The following GASK1A variants were observed in gnomAD, a reference collection of about 807,000 sequenced individuals.
GASK1A encodes Golgi-associated kinase 1A.
Under a neutral mutation model 41.2 loss-of-function variants are expected in GASK1A, and 40 were observed. The ratio of observed to expected loss-of-function variants is 0.97; its 90% CI spans 0.75 to 1.27. The LOEUF (loss-of-function observed/expected upper bound fraction) is 1.27, where lower values mean the gene tolerates loss of function less well. Among genes scored for constraint, GASK1A ranks in the 50% most tolerant of loss-of-function variants. The pLI, the probability that GASK1A is intolerant of heterozygous loss-of-function variation, is 0.00. For synonymous variants in GASK1A, 316 were observed against 307.1 expected (o/e 1.03, Z -0.30); for missense variants, 678 against 745.1 (o/e 0.91, Z 1.05).
rs56195274 is a variant in GASK1A, at chr3:42,985,546, CGTGTGTGTGT to C, written c.3+5933_3+5942del. On this transcript the variant is annotated intron_variant, in intron 1 of 4. Transcript: ENST00000430121. ...AGTTTATTGAGGCTGCCTGTGCATACGTGTGTGTGTGTGTGTGTGTGTGTGTGTGTGTGTG... is the reference window on the plus strand; with the variant it reads ...AGTTTATTGAGGCTGCCTGTGCATACGTGTGTGTGTGTGTGTGTGTGTGTG... Among the ~76,000 whole-genome samples the C allele has an allele frequency of 4.8e-3, 652 of 134,796 alleles. 4 individuals carry two copies. Among genetic ancestry groups the C allele is most frequent in the African/African-American group, 8.0e-3 (301 of 37,576 alleles). The allele number at this position is 134,796 out of a possible 152,430, so 88.4% of individuals were successfully genotyped here. A position where few individuals can be genotyped will look rare whatever the true frequency, so the allele number is the denominator to read the frequency against.
At chr3:43,044,163 C>A (rs1212728983) in intron 2 of GASK1A, among the ~76,000 whole-genome samples, 1 of 152,206 alleles carries the variant, frequency 6.6e-6, no homozygotes, top group Non-Finnish European at 1.5e-5. Flanking sequence ...GCTGACCATG[C>A]AGCAGGTGTG....
chr3:42,999,728 C>G (rs537574085), intron 1 of GASK1A, among the ~76,000 whole-genome samples: 4 of 152,348 alleles, frequency 2.6e-5, no homozygotes, highest in South Asian at 2.1e-4. Context: ...AATTTGTTCT[C>G]TATAGCTCTG....
intron 2 of GASK1A, among the ~76,000 whole-genome samples, chr3:43,042,460 C>T (rs777168165): frequency 2.6e-5 from 4 of 151,940 alleles, no homozygotes; most frequent in Admixed American, 6.6e-5. Flanking sequence ...TCCAGCCTGG[C>T]GACAGAGCCA....
In GASK1A at chr3:42,995,862, C is replaced by G. The variant is rs184906538; in HGVS notation, c.3+16217C>G. On this transcript the variant is annotated intron_variant, in intron 1 of 4. Transcript: ENST00000430121. ...ATTTTTCAGCAGCAATCCCCACCCC[C>G]TCTTGATCCCAGCCCCACTCCCAGA... Among the ~76,000 whole-genome samples the G allele has an allele frequency of 4.3e-3, 648 of 152,336 alleles. 2 individuals are homozygous for G. The highest frequency in any genetic ancestry group is 7.2e-3 in the Non-Finnish European group (493 of 68,024).
At chr3:43,026,104 C>G (rs992969421) in intron 1 of GASK1A, among the ~76,000 whole-genome samples, 1 of 152,084 alleles carries the variant, frequency 6.6e-6, no homozygotes, top group Non-Finnish European at 1.5e-5. Flanking sequence ...ATCACCATCC[C>G]CCGCTTGTCT....
intron 2 of GASK1A, among the ~76,000 whole-genome samples, chr3:43,034,245 C>T (rs1361175735): frequency 6.6e-6 from 1 of 152,158 alleles, no homozygotes; most frequent in Non-Finnish European, 1.5e-5. Flanking sequence ...AGTGAGGATG[C>T]TTGGGCACTG....
intron 1 of GASK1A, among the ~76,000 whole-genome samples, chr3:42,994,910 A>T (rs78194914): frequency 6.6e-6 from 1 of 152,222 alleles, no homozygotes; most frequent in Non-Finnish European, 1.5e-5. Flanking sequence ...TTCTGAGATG[A>T]TGGAAATGTT....
At chr3:42,992,289 T>C (rs1316064246) in intron 1 of GASK1A, among the ~76,000 whole-genome samples, 1 of 146,354 alleles carries the variant, frequency 6.8e-6, no homozygotes, top group African/African-American at 2.4e-5. Context: ...TAATCAGAAC[T>C]GAATTCAAAC....
At chr3:43,023,245 C>T (rs986334851) in intron 1 of GASK1A, among the ~76,000 whole-genome samples, 4 of 152,120 alleles carry the variant, frequency 2.6e-5, no homozygotes, top group Non-Finnish European at 5.9e-5. Context: ...GACTACAAGA[C>T]AAGGAATGCC....
intron 1 of GASK1A, among the ~76,000 whole-genome samples, chr3:43,025,422 G>C (rs1315755800): frequency 6.6e-6 from 1 of 152,220 alleles, no homozygotes; most frequent in East Asian, 1.9e-4. Context: ...CCATAGGAGA[G>C]AGGATGAGAT....
At chr3:43,048,974 C>T (rs1163554943) in intron 2 of GASK1A, among the ~76,000 whole-genome samples, 1 of 152,116 alleles carries the variant, frequency 6.6e-6, no homozygotes, top group Non-Finnish European at 1.5e-5. Context: ...AAAGAATCTA[C>T]ATTTGGTAAG....
Position 42,996,173 on chromosome 3 carries a change from C to T in GASK1A, c.3+16528C>T, listed in dbSNP as rs543453644. ...CATTCCTGCCTATGGGGCTCTTGCT[C>T]TCAGCACAGTGCCAGGATCCCTGCC... is the stretch of plus-strand genomic sequence containing the variant. On this transcript the variant is annotated intron_variant, in intron 1 of 4. Transcript: ENST00000430121. Among the ~76,000 whole-genome samples the T allele has an allele frequency of 2.8e-3, 423 of 152,328 alleles. 4 individuals carry two copies. The highest frequency in any genetic ancestry group is 9.8e-3 in the African/African-American group (407 of 41,574).
intron 1 of GASK1A, among the ~76,000 whole-genome samples, chr3:43,015,362 C>T (rs533781386): frequency 4.9e-5 from 7 of 143,530 alleles, no homozygotes; most frequent in South Asian, 2.2e-4. Context: ...CAGGAAGGGG[C>T]GGTGTGAAGT....
intron 2 of GASK1A, among the ~76,000 whole-genome samples, chr3:43,045,104 A>G (rs1361475608): frequency 6.6e-6 from 1 of 152,180 alleles, no homozygotes; most frequent in Non-Finnish European, 1.5e-5. Flanking sequence ...ATGGTTTAGC[A>G]TTTTCTTTGA....
intron 1 of GASK1A, among the ~76,000 whole-genome samples, chr3:42,997,960 C>A (rs1003652165): frequency 1.3e-5 from 2 of 152,180 alleles, no homozygotes; most frequent in Non-Finnish European, 2.9e-5. Flanking sequence ...GAACATGTCA[C>A]TCCTAGGAGT....
intron 3 of GASK1A, 66 bp from the exon 4 acceptor site, chr3:43,055,366 G>C (rs1004592727): frequency 1.8e-5 from 21 of 1,191,990 alleles, no homozygotes; most frequent in Non-Finnish European, 2.3e-5. Flanking sequence ...TCTTGACCAA[G>C]TCCATAGGTG....
At position 42,984,296 on chromosome 3, in the gene GASK1A, A is replaced by ATCTC. The variant is rs10628402; in HGVS notation, c.3+4665_3+4668dup. ...CTTCTTTATGTGGATTTCACTTCCT[A>ATCTC]TCTCTCTCTCTCTCTCTTTCTCTCT... On this transcript the variant is annotated intron_variant, in intron 1 of 4. Coordinates refer to ENST00000430121, the MANE Select transcript of GASK1A (RefSeq NM_001129908.3). This position sits in a 1 kb window ranked among gnomAD's most constrained non-coding sequence, Gnocchi z 4.2. 0.73 allele frequency among the ~76,000 whole-genome samples: 108,924 copies of ATCTC among 149,618 alleles called. 40,555 individuals carry two copies. Among genetic ancestry groups the ATCTC allele is most frequent in the East Asian group, 0.96 (4,850 of 5,046 alleles).
chr3:43,018,249 C>A (rs1191668305), intron 1 of GASK1A, among the ~76,000 whole-genome samples: 1 of 152,184 alleles, frequency 6.6e-6, no homozygotes, highest in Non-Finnish European at 1.5e-5. Flanking sequence ...TAAATCTTGC[C>A]TGCCAGTAAT....
chr3:43,033,840 A>G (rs964358244), intron 2 of GASK1A, among the ~76,000 whole-genome samples: 2 of 152,230 alleles, frequency 1.3e-5, no homozygotes, highest in Non-Finnish European at 2.9e-5. Context: ...GAAACAATAA[A>G]TTATATTAGA....
Sources: gnomAD v4.1 joint callset for allele counts (sites outside exome capture counted in the v4.1 genomes callset) on GRCh38, gnomAD v4.1.1 for gene constraint, Gnocchi (gnomAD v3.1) non-coding constraint, MANE v1.5 for transcripts, NCBI Gene and HGNC (gene_info 2026-07-23, HGNC 2026-07-21) for gene names.